The following NSG2 variants were observed in gnomAD, a reference collection of about 807,000 sequenced individuals.
NSG2 encodes neuronal vesicle trafficking associated 2, also known as neuronal vesicle trafficking-associated protein 2.
A neutral mutation model predicts 16.9 loss-of-function variants in NSG2; 4 were observed. The ratio of observed to expected loss-of-function variants is 0.24; its 90% CI spans 0.12 to 0.54. The LOEUF (loss-of-function observed/expected upper bound fraction) is 0.54. Ranked by LOEUF, NSG2 falls within the 20% of genes least tolerant of loss-of-function variation. NSG2 has a pLI of 0.95. For missense variants in NSG2, 179 were observed against 221.1 expected, an observed-to-expected ratio of 0.81 and a Z score of 1.21; for synonymous variants, 98 against 88.7, an observed-to-expected ratio of 1.11 and a Z score of -0.59.
intron 3 of NSG2, among the ~76,000 whole-genome samples, chr5:174,085,230 C>CT (rs1760587426): frequency 6.6e-6 from 1 of 152,174 alleles, no homozygotes; most frequent in Non-Finnish European, 1.5e-5. Context: ...TTTGGAAGTC[C>CT]ACCCAATGTA....
intron 3 of NSG2, among the ~76,000 whole-genome samples, chr5:174,080,521 TTCTTTCTC>T (rs920549463): frequency 1.3e-3 from 109 of 86,920 alleles, no homozygotes; most frequent in African/African-American, 3.1e-3. Flanking sequence ...CCCTCTTTCT[TTCTTTCTC>T]TCTCTCTCTC....
In NSG2 at chr5:174,066,989, CAAAAAAAAAAAA is replaced by C. The variant is rs543368373; in HGVS notation, c.213+2690_213+2701del. 3.9e-4 allele frequency among the ~76,000 whole-genome samples: 11 copies of C among 27,942 alleles called. No homozygotes were observed. The South Asian group carries it at 0.01, about 26-fold the overall frequency. The allele number at this position is 27,942 out of a possible 152,430, so 18.3% of individuals were successfully genotyped here. ...TGGGCGACAGAGCGAGACTCTGTCT[CAAAAAAAAAAAA>C]AAAAAAAAAAAAAAAGAAATGATGG... On this transcript the variant is annotated intron_variant, in intron 3 of 4. Coordinates refer to ENST00000303177, the MANE Select transcript of NSG2 (RefSeq NM_015980.5).
Position 174,060,386 on chromosome 5 carries a change from A to T in NSG2, c.130-3846A>T, listed in dbSNP as rs566670572. Among the ~76,000 whole-genome samples, 32 of 151,146 alleles carry T rather than the reference A, an allele frequency of 2.1e-4. 1 individual carries two copies. Among genetic ancestry groups the T allele is most frequent in the South Asian group, 1.0e-3 (5 of 4,776 alleles). ...GTACTTCTTAATATTTTTTTTTTTT[A>T]AATTTACTAGTCTCTGAGTTTGCAT... On this transcript the variant is annotated intron_variant, in intron 2 of 4. Transcript: ENST00000303177.
At chr5:174,103,750 C>A (rs1275634825) in intron 3 of NSG2, among the ~76,000 whole-genome samples, 1 of 152,112 alleles carries the variant, frequency 6.6e-6, no homozygotes, top group Non-Finnish European at 1.5e-5. Flanking sequence ...AGTTCAAGAC[C>A]AGCCTGGCCA....
In NSG2 at chr5:174,070,532, CT is replaced by C. The variant is rs559563894; in HGVS notation, c.213+6220del. Among the ~76,000 whole-genome samples, 549 of 152,306 alleles carry C rather than the reference CT, an allele frequency of 3.6e-3. 4 individuals are homozygous for C. The highest frequency in any genetic ancestry group is 0.012 in the African/African-American group (516 of 41,568). ...CTTCTTGGTCTCCCTCCCTTTTCTT[CT>C]TTGTCGTTATTAATATTGGTTCTGG... On this transcript the variant is annotated intron_variant, in intron 3 of 4. Coordinates refer to ENST00000303177, the MANE Select transcript of NSG2 (RefSeq NM_015980.5).
chr5:174,049,372 CAA>C (rs1287887664), intron 2 of NSG2, among the ~76,000 whole-genome samples: 1 of 151,950 alleles, frequency 6.6e-6, no homozygotes, highest in Non-Finnish European at 1.5e-5. Flanking sequence ...AACAAAAAAA[CAA>C]ACTACAAGAG....
At position 174,107,811 on chromosome 5, in the gene NSG2, A is replaced by G. The variant is rs1761010503; in HGVS notation, c.*306A>G. On this transcript the variant is annotated 3_prime_UTR_variant, in exon 5 of 5. Transcript: ENST00000303177. This position sits in a 1 kb window ranked among gnomAD's most constrained non-coding sequence, Gnocchi z 4.5. Reference sequence around the variant, plus strand: ...CCACTGCTTATTCTTTGTTAGGAAAATGTAACAGCAGAAAAGGAAAGAAAC... The same window carrying G: ...CCACTGCTTATTCTTTGTTAGGAAAGTGTAACAGCAGAAAAGGAAAGAAAC... 1 of 549,648 alleles carries G rather than the reference A, an allele frequency of 1.8e-6. No homozygotes were observed. Among genetic ancestry groups the G allele is most frequent in the African/African-American group, 1.9e-5 (1 of 53,356 alleles). 34.0% of individuals were successfully genotyped at this position (549,648 alleles called of 1,614,324 possible). A position where few individuals can be genotyped will look rare whatever the true frequency, so the allele number is the denominator to read the frequency against.
intron 3 of NSG2, among the ~76,000 whole-genome samples, chr5:174,096,930 C>T (rs551893378): frequency 6.6e-6 from 1 of 152,252 alleles, no homozygotes; most frequent in African/African-American, 2.4e-5. Context: ...GGTGCCTTTT[C>T]TCGACTTACC....
chr5:174,075,446 G>A (rs1760322066), intron 3 of NSG2, among the ~76,000 whole-genome samples: 1 of 152,208 alleles, frequency 6.6e-6, no homozygotes, highest in African/African-American at 2.4e-5. Context: ...AAATGTGGTT[G>A]CAAGAATACT....
At chr5:174,049,528 G>A (rs1759855691) in intron 2 of NSG2, among the ~76,000 whole-genome samples, 1 of 152,228 alleles carries the variant, frequency 6.6e-6, no homozygotes, top group Non-Finnish European at 1.5e-5. Flanking sequence ...CAGTGAGGGA[G>A]TCACTACTTT....
At chr5:174,055,774 C>T (rs761883402) in intron 2 of NSG2, among the ~76,000 whole-genome samples, 2 of 152,162 alleles carry the variant, frequency 1.3e-5, no homozygotes, top group Non-Finnish European at 2.9e-5. Flanking sequence ...GGCATTCATA[C>T]TAGAGACCTG....
At chr5:174,084,522 G>A (rs750514917) in intron 3 of NSG2, among the ~76,000 whole-genome samples, 1 of 152,172 alleles carries the variant, frequency 6.6e-6, no homozygotes, top group African/African-American at 2.4e-5. Flanking sequence ...CCTGATGCGA[G>A]TTCCTTCCAC....
chr5:174,099,333 C>G (rs1218465227), intron 3 of NSG2, among the ~76,000 whole-genome samples: 2 of 152,194 alleles, frequency 1.3e-5, no homozygotes, highest in Non-Finnish European at 2.9e-5. Flanking sequence ...CCTTCCTCCT[C>G]TTGTCTCGCA....
chr5:174,075,103 AAAT>A (rs1277801076), intron 3 of NSG2, among the ~76,000 whole-genome samples: 1 of 152,230 alleles, frequency 6.6e-6, no homozygotes, highest in Non-Finnish European at 1.5e-5. Context: ...TTGCAGTAAT[AAAT>A]AATAACAGCT....
intron 4 of NSG2, among the ~76,000 whole-genome samples, chr5:174,104,545 G>A (rs760750526): frequency 1.9e-4 from 29 of 152,220 alleles, no homozygotes; most frequent in Non-Finnish European, 3.4e-4. Flanking sequence ...CCAAGATGGT[G>A]CTCTCCAGGG....
intron 3 of NSG2, among the ~76,000 whole-genome samples, 155 bp from the exon 4 acceptor site, chr5:174,104,073 A>C (rs892849563): frequency 2.0e-5 from 3 of 152,186 alleles, no homozygotes; most frequent in Admixed American, 1.3e-4. Context: ...CAAAGACTGC[A>C]AGTTAGTAAC....
intron 2 of NSG2, among the ~76,000 whole-genome samples, chr5:174,058,950 G>A (rs1760007032): frequency 6.6e-6 from 1 of 152,190 alleles, no homozygotes. Flanking sequence ...GAACTTTGTG[G>A]TTTGAGGAGT....
chr5:174,045,997 C>A (rs1424421770), intron 1 of NSG2, 154 bp downstream of exon 1: 1 of 151,848 alleles, frequency 6.6e-6, no homozygotes, highest in African/African-American at 2.4e-5. Context: ...AGGGGAGCAC[C>A]ATTTGACTTC....
At chr5:174,092,576 T>C (rs1581239518) in intron 3 of NSG2, among the ~76,000 whole-genome samples, 2 of 152,356 alleles carry the variant, frequency 1.3e-5, no homozygotes, top group East Asian at 3.9e-4. Flanking sequence ...GCTGAGGCGA[T>C]AGTCGAACCA....
Sources: allele counts gnomAD v4.1 joint callset (sites outside exome capture counted in the v4.1 genomes callset), GRCh38; gene constraint gnomAD v4.1.1; non-coding constraint Gnocchi (gnomAD v3.1); transcripts MANE v1.5; gene names NCBI Gene and HGNC (gene_info 2026-07-23, HGNC 2026-07-21).